The following PDE1C variants were observed in gnomAD, a reference collection of about 807,000 sequenced individuals.
PDE1C encodes dual specificity calcium/calmodulin-dependent 3',5'-cyclic nucleotide phosphodiesterase 1C.
Under a neutral mutation model 93.1 loss-of-function variants are expected in PDE1C, and 62 were observed. The ratio of observed to expected loss-of-function variants is 0.67; its 90% CI spans 0.54 to 0.82. The LOEUF is 0.82. PDE1C is among the 40% of genes least tolerant of loss of function. The pLI, the probability that PDE1C is intolerant of heterozygous loss-of-function variation, is 0.00. For synonymous variants in PDE1C, 325 were observed against 310.1 expected (o/e 1.05, Z -0.50); for missense variants, 742 against 884.6 (o/e 0.84, Z 2.04).
the PDE1C span, among the ~76,000 whole-genome samples, chr7:31,684,413 G>C: frequency 6.6e-6 from 1 of 152,160 alleles, no homozygotes; most frequent in African/African-American, 2.4e-5. Flanking sequence ...CATTAATGAT[G>C]AATTGGACTT....
intron 11 of PDE1C, among the ~76,000 whole-genome samples, chr7:31,828,797 G>A (rs1790017960): frequency 6.6e-6 from 1 of 152,084 alleles, no homozygotes. Flanking sequence ...AATTCAAACT[G>A]GACTGATTCA....
At chr7:31,831,208 A>C (rs531115886) in intron 11 of PDE1C, among the ~76,000 whole-genome samples, 5 of 152,348 alleles carry the variant, frequency 3.3e-5, no homozygotes, top group African/African-American at 1.2e-4. Flanking sequence ...CAAATATAAC[A>C]TATGAGAAAG....
At chr7:31,621,203 ACTT>A in the PDE1C span, among the ~76,000 whole-genome samples, 1 of 152,150 alleles carries the variant, frequency 6.6e-6, no homozygotes, top group Non-Finnish European at 1.5e-5. Context: ...ATCCAGGAGA[ACTT>A]CCCCAATCTA....
intron 2 of PDE1C, among the ~76,000 whole-genome samples, chr7:31,985,293 A>C (rs1380221745): frequency 6.6e-6 from 1 of 152,192 alleles, no homozygotes; most frequent in Admixed American, 6.5e-5. Flanking sequence ...TTTAAATAGT[A>C]GGGCTATTTA....
At chr7:32,323,773 A>T (rs1783348287) in intron 1 of PDE1C, among the ~76,000 whole-genome samples, 1 of 152,226 alleles carries the variant, frequency 6.6e-6, no homozygotes, top group Non-Finnish European at 1.5e-5. Context: ...AGGATGAAGC[A>T]GAAAGTCCAG....
chr7:31,703,672 G>A, the PDE1C span, among the ~76,000 whole-genome samples: 2 of 152,222 alleles, frequency 1.3e-5, no homozygotes, highest in Non-Finnish European at 1.5e-5. Flanking sequence ...TTCGGCAGAT[G>A]TTCAGAAGGA....
chr7:31,993,759 T>G, intron 2 of PDE1C, among the ~76,000 whole-genome samples: 1 of 152,162 alleles, frequency 6.6e-6, no homozygotes, highest in Non-Finnish European at 1.5e-5. Flanking sequence ...CTGCTAAAAC[T>G]TATCCTCACT....
intron 17 of PDE1C, among the ~76,000 whole-genome samples, chr7:31,754,022 A>T (rs1406283809): frequency 6.6e-6 from 1 of 152,084 alleles, no homozygotes; most frequent in Non-Finnish European, 1.5e-5. Flanking sequence ...AAGATCTTGT[A>T]TTCAAAATAT....
chr7:31,953,106 A>C (rs1349932527), intron 2 of PDE1C, among the ~76,000 whole-genome samples: 1 of 152,240 alleles, frequency 6.6e-6, no homozygotes, highest in Non-Finnish European at 1.5e-5. Flanking sequence ...ATATGGCCAG[A>C]GAGCTGGCAT....
At chr7:31,947,368 A>C (rs1806759990) in intron 2 of PDE1C, among the ~76,000 whole-genome samples, 1 of 152,202 alleles carries the variant, frequency 6.6e-6, no homozygotes, top group Non-Finnish European at 1.5e-5. Context: ...ATGTCTGGGT[A>C]CTCTAGCCTA....
At chr7:31,663,419 C>T in the PDE1C span, among the ~76,000 whole-genome samples, 1 of 152,202 alleles carries the variant, frequency 6.6e-6, no homozygotes, top group Non-Finnish European at 1.5e-5. Flanking sequence ...TTTCCCAGTC[C>T]TCTGGCCCAA....
At chr7:32,387,302 A>AT (rs1474781530) in intron 1 of PDE1C, among the ~76,000 whole-genome samples, 2 of 151,880 alleles carry the variant, frequency 1.3e-5, no homozygotes, top group African/African-American at 4.8e-5. Flanking sequence ...CAACCATCCG[A>AT]TTTCTCAATT....
chr7:31,627,966 G>T, the PDE1C span, among the ~76,000 whole-genome samples: 5 of 152,186 alleles, frequency 3.3e-5, no homozygotes, highest in African/African-American at 1.2e-4. Flanking sequence ...GCTATTTACT[G>T]AAGTGGGTGG....
Position 31,968,412 on chromosome 7 carries a change from G to A in PDE1C, c.128+83142C>T, listed in dbSNP as rs570619660. 8.1e-3 allele frequency among the ~76,000 whole-genome samples: 1,228 copies of A among 151,878 alleles called. 20 individuals carry two copies. Among genetic ancestry groups the A allele is most frequent in the African/African-American group, 0.028 (1,178 of 41,414 alleles). Reference sequence around the variant, plus strand: ...GAATCCAACTTACAAGGGATGTGAAGGACCTCTTCAAGGAGAACTACAAAC... The same window carrying A: ...GAATCCAACTTACAAGGGATGTGAAAGACCTCTTCAAGGAGAACTACAAAC... On this transcript the variant is annotated intron_variant, in intron 2 of 17. Coordinates refer to ENST00000396191, the MANE Select transcript of PDE1C (RefSeq NM_001191057.4).
At chr7:31,713,369 T>A in the PDE1C span, among the ~76,000 whole-genome samples, 5 of 152,218 alleles carry the variant, frequency 3.3e-5, no homozygotes, top group African/African-American at 2.4e-5. Context: ...AGAGGTGGGC[T>A]CCCATGGCCT....
intron 3 of PDE1C, among the ~76,000 whole-genome samples, chr7:32,144,034 C>G (rs1800682586): frequency 6.6e-6 from 1 of 152,006 alleles, no homozygotes; most frequent in Non-Finnish European, 1.5e-5. Flanking sequence ...ATGGGCATCC[C>G]AGGCAATGAG....
chr7:32,406,670 C>CT (rs1248324932), intron 1 of PDE1C, among the ~76,000 whole-genome samples: 1 of 152,160 alleles, frequency 6.6e-6, no homozygotes, highest in Non-Finnish European at 1.5e-5. Context: ...TGGGCTGCTC[C>CT]TTGCCACTGT....
intron 2 of PDE1C, among the ~76,000 whole-genome samples, chr7:31,891,702 G>A (rs1050644709): frequency 2.0e-5 from 3 of 151,982 alleles, no homozygotes; most frequent in African/African-American, 7.3e-5. Context: ...TGTAAGAAGG[G>A]CAACAAAGGG....
At chr7:31,807,405 C>T (rs1382087924) in intron 16 of PDE1C, among the ~76,000 whole-genome samples, 1 of 151,778 alleles carries the variant, frequency 6.6e-6, no homozygotes, top group Non-Finnish European at 1.5e-5. Flanking sequence ...CACTTCCCCC[C>T]TCCCCCCAAA....
Sources: gnomAD v4.1 joint callset for allele counts (sites outside exome capture counted in the v4.1 genomes callset) on GRCh38, gnomAD v4.1.1 for gene constraint, MANE v1.5 for transcripts, NCBI Gene and HGNC (gene_info 2026-07-23, HGNC 2026-07-21) for gene names.